The following DACH2 variants were observed in gnomAD, a reference collection of about 807,000 sequenced individuals.
The protein encoded by DACH2 is dachshund homolog 2.
In DACH2, 17 loss-of-function variants were observed where a neutral mutation model predicts 35.8. The observed-to-expected ratio is 0.48, with a 90% CI of 0.33 to 0.71. The LOEUF is 0.71. DACH2 is among the 30% of genes least tolerant of loss of function. The probability of loss-of-function intolerance (pLI) is 0.02; values close to 1 mark genes in which losing one functional copy is unlikely to be tolerated. For synonymous variants in DACH2, 195 were observed against 177.3 expected, an observed-to-expected ratio of 1.10 and a Z score of -0.79; for missense variants, 469 against 472.7, an observed-to-expected ratio of 0.99 and a Z score of 0.07.
intron 1 of DACH2, among the ~76,000 whole-genome samples, chrX:86,297,023 C>T (rs900321571): frequency 1.3e-5 from 1 of 78,723 alleles, no homozygotes; most frequent in Non-Finnish European, 2.3e-5. Context: ...ATATACAGTC[C>T]TATAAATAAA....
Position 86,409,898 on chromosome X carries a change from C to G in DACH2, c.527+33036C>G, listed in dbSNP as rs921056494. ...AAATAAAAGCAACTGAAAACTTGCTCTGAAGTAAACAGGTGAATAGTATGT... is the reference window on the plus strand; with the variant it reads ...AAATAAAAGCAACTGAAAACTTGCTGTGAAGTAAACAGGTGAATAGTATGT... On this transcript the variant is annotated intron_variant, in intron 2 of 11. Coordinates refer to ENST00000373125, the MANE Select transcript of DACH2 (RefSeq NM_053281.3). Among the ~76,000 whole-genome samples, 3 of 112,028 alleles carry G rather than the reference C, an allele frequency of 2.7e-5. No individual in the cohort carries two copies. In the Admixed American group the frequency reaches 2.9e-4, roughly 11 times the overall value.
At chrX:86,417,088 T>TAAA (rs2036717133) in intron 2 of DACH2, among the ~76,000 whole-genome samples, 1 of 7,083 alleles carries the variant, frequency 1.4e-4, no homozygotes, top group Non-Finnish European at 1.9e-4. Context: ...AGACTCCATC[T>TAAA]CAAAAAAAAA....
In DACH2 at chrX:86,700,670, C is replaced by T. The variant is rs376534887; in HGVS notation, c.931+5491C>T. Among the ~76,000 whole-genome samples, 41 of 66,136 alleles carry T rather than the reference C, an allele frequency of 6.2e-4. 1 individual carries two copies. The highest frequency in any genetic ancestry group is 3.9e-3 in the Admixed American group (20 of 5,107). The allele number at this position is 66,136 out of a possible 115,157, so 57.4% of individuals were successfully genotyped here. A position where few individuals can be genotyped will look rare whatever the true frequency, so the allele number is the denominator to read the frequency against. ...ATTACAAATGACAAAGGGGACATTA[C>T]CACTAACCCACAGAAATACAAAAAA... On this transcript the variant is annotated intron_variant, in intron 5 of 11. Coordinates refer to ENST00000373125, the MANE Select transcript of DACH2 (RefSeq NM_053281.3).
chrX:86,301,211 G>A (rs973941119), intron 1 of DACH2, among the ~76,000 whole-genome samples: 2 of 111,553 alleles, frequency 1.8e-5, no homozygotes, highest in African/African-American at 3.3e-5. Flanking sequence ...GAAAAGTGAT[G>A]GAATTATTTG....
At chrX:86,641,126 G>T (rs992253365) in intron 3 of DACH2, among the ~76,000 whole-genome samples, 1 of 111,893 alleles carries the variant, frequency 8.9e-6, no homozygotes, top group African/African-American at 3.3e-5. Context: ...AACAGAAATA[G>T]AATTCAGAAT....
intron 11 of DACH2, chrX:86,831,033 A>G (rs1688196500): frequency 2.7e-5 from 3 of 111,261 alleles, no homozygotes; most frequent in Admixed American, 1.9e-4. Flanking sequence ...CCAACCCTCC[A>G]TAAGTCTGAC....
At chrX:86,253,312 G>A (rs1474768817) in intron 1 of DACH2, among the ~76,000 whole-genome samples, 8 of 111,766 alleles carry the variant, frequency 7.2e-5, no homozygotes, top group African/African-American at 2.6e-4. Context: ...CAATGCTCAT[G>A]GGTGGGTAGA....
At chrX:86,239,790 T>A (rs1424254413) in intron 1 of DACH2, among the ~76,000 whole-genome samples, 1 of 112,115 alleles carries the variant, frequency 8.9e-6, no homozygotes, top group African/African-American at 3.2e-5. Context: ...TAGACTTCCA[T>A]CAGCAAGCAG....
At chrX:86,472,322 G>C (rs2037772302) in intron 2 of DACH2, among the ~76,000 whole-genome samples, 1 of 111,610 alleles carries the variant, frequency 9.0e-6, no homozygotes, top group Non-Finnish European at 1.9e-5. Context: ...ATGGAAGAAG[G>C]ACTGTGAAGC....
At chrX:86,561,931 C>A (rs2039224785) in intron 3 of DACH2, among the ~76,000 whole-genome samples, 2 of 92,026 alleles carry the variant, frequency 2.2e-5, no homozygotes, top group African/African-American at 4.0e-5. Flanking sequence ...GAGAATTCAG[C>A]AAGGATTCAG....
chrX:86,654,297 G>A (rs1350189468), intron 4 of DACH2, among the ~76,000 whole-genome samples: 3 of 108,931 alleles, frequency 2.8e-5, no homozygotes, highest in Non-Finnish European at 5.7e-5. Context: ...AGGTAAATTG[G>A]CAGCAGCTTT....
intron 2 of DACH2, among the ~76,000 whole-genome samples, chrX:86,442,765 G>T (rs780079415): frequency 9.0e-6 from 1 of 111,249 alleles, no homozygotes; most frequent in African/African-American, 3.3e-5. Context: ...TCATTCCTCT[G>T]CAAGTGGATA....
intron 1 of DACH2, among the ~76,000 whole-genome samples, chrX:86,349,124 G>A (rs1193619741): frequency 8.9e-6 from 1 of 112,026 alleles, no homozygotes; most frequent in Non-Finnish European, 1.9e-5. Flanking sequence ...TCACTCGTGG[G>A]CTTGGAGAAT....
chrX:86,465,624 G>A (rs2037653173), intron 2 of DACH2, among the ~76,000 whole-genome samples: 1 of 112,092 alleles, frequency 8.9e-6, no homozygotes, highest in Non-Finnish European at 1.9e-5. Context: ...ATGGCTCAGA[G>A]TATTTATTAC....
chrX:86,307,833 G>A (rs1018543482), intron 1 of DACH2, among the ~76,000 whole-genome samples: 1 of 111,718 alleles, frequency 9.0e-6, no homozygotes, highest in Non-Finnish European at 1.9e-5. Flanking sequence ...GAACAGGAAT[G>A]GGAATGGATA....
intron 3 of DACH2, among the ~76,000 whole-genome samples, chrX:86,554,746 G>A (rs1043245847): frequency 9.0e-6 from 1 of 111,404 alleles, no homozygotes; most frequent in Non-Finnish European, 1.9e-5. Context: ...TTTCTTCTCT[G>A]TAACATGTAG....
At chrX:86,191,382 A>G (rs2031829765) in intron 1 of DACH2, among the ~76,000 whole-genome samples, 1 of 111,764 alleles carries the variant, frequency 8.9e-6, no homozygotes, top group Non-Finnish European at 1.9e-5. Context: ...AAGGACAGAA[A>G]ACCAAATACT....
At chrX:86,398,040 C>T (rs993433990) in intron 2 of DACH2, among the ~76,000 whole-genome samples, 2 of 111,745 alleles carry the variant, frequency 1.8e-5, no homozygotes, top group African/African-American at 6.5e-5. Context: ...GGTTGGTAAG[C>T]TATTAATTAT....
intron 2 of DACH2, among the ~76,000 whole-genome samples, chrX:86,414,112 C>G (rs2036660358): frequency 9.0e-6 from 1 of 111,594 alleles, no homozygotes; most frequent in Non-Finnish European, 1.9e-5. Context: ...CCCAGCCTCC[C>G]TTTCATTCAA....
Sources: gnomAD v4.1 joint callset for allele counts (sites outside exome capture counted in the v4.1 genomes callset) on GRCh38, gnomAD v4.1.1 for gene constraint, MANE v1.5 for transcripts, NCBI Gene and HGNC (gene_info 2026-07-23, HGNC 2026-07-21) for gene names.